Variants in NIN observed in about 807,000 individuals in gnomAD.
NIN encodes the protein ninein.
Under a neutral mutation model 257.6 loss-of-function variants are expected in NIN, and 137 were observed. The ratio of observed to expected loss-of-function variants is 0.53; its 90% CI spans 0.46 to 0.61. The LOEUF is 0.61. Ranked by LOEUF, NIN falls within the 20% of genes least tolerant of loss-of-function variation. NIN has a pLI of 0.00. For synonymous variants in NIN, 918 were observed against 919.8 expected (o/e 1.00, Z 0.04); for missense variants, 2,439 against 2,501.2 (o/e 0.98, Z 0.53).
intron 4 of NIN, among the ~76,000 whole-genome samples, chr14:50,796,773 T>C (rs1315539718): frequency 6.6e-6 from 1 of 152,160 alleles, no homozygotes; most frequent in African/African-American, 2.4e-5. Context: ...AGCAGCAGTG[T>C]GGAGGGGAGA....
intron 30 of NIN, among the ~76,000 whole-genome samples, chr14:50,724,802 C>G (rs2040350268): frequency 6.6e-6 from 1 of 152,162 alleles, no homozygotes; most frequent in South Asian, 2.1e-4. Context: ...ACTTTCTTAA[C>G]TAGTTGAAAT....
At position 50,814,623 on chromosome 14, in the gene NIN, G is replaced by A. The variant is rs2044794414; in HGVS notation, c.183+7251C>T. On this transcript the variant is annotated intron_variant, in intron 3 of 30. Transcript: ENST00000530997. The stretch of plus-strand genomic sequence containing the variant: ...AAAAGAACAAACCTGAAGGCATCAC[G>A]CTACCCACTTCAAACTGTACTACAA... 3.9e-5 allele frequency among the ~76,000 whole-genome samples: 6 copies of A among 152,244 alleles called. No individual in the cohort carries two copies. In the South Asian group the frequency reaches 1.0e-3, roughly 26 times the overall value.
intron 5 of NIN, among the ~76,000 whole-genome samples, chr14:50,791,138 AAGT>A (rs2142010625): frequency 6.6e-6 from 1 of 152,300 alleles, no homozygotes; most frequent in South Asian, 2.1e-4. Context: ...TTTCATAAAG[AAGT>A]ACATTCCACA....
intron 2 of NIN, chr14:50,823,143 A>G (rs199789928): frequency 2.0e-4 from 107 of 534,218 alleles, no homozygotes; most frequent in Non-Finnish European, 3.3e-4. Flanking sequence ...GTATTTTACT[A>G]ATGAAATCTG....
chr14:50,806,571 C>A (rs1397326992), intron 4 of NIN, 166 bp downstream of exon 4: 4 of 508,456 alleles, frequency 7.9e-6, no homozygotes, highest in Non-Finnish European at 1.4e-5. Context: ...TGTTCAACAG[C>A]TGCAAAGCTT....
In NIN at chr14:50,744,314, G is replaced by C; in HGVS notation, c.5116C>G (p.Leu1706Val). 1.2e-6 allele frequency: 2 copies of C among 1,614,044 alleles called. No homozygotes were observed. Among genetic ancestry groups the C allele is most frequent in the Middle Eastern group, 1.6e-4 (1 of 6,062 alleles). Residue 1706 changes from leucine to valine, a missense_variant, in exon 23 of 31, where the codon CTA becomes GTA. Physicochemically the swap from Leu to Val is conservative, Grantham distance 32. Transcript: ENST00000530997. ...TTCAGCAGTTTTTCGTTGTAGCTTA[G>C]AACACTAGAGATTTTTTGCTGGAAG... ...SDFQQKISSV[L>V]SYNEKLLKEK...
At chr14:50,730,288 G>C (rs2040626420) in intron 28 of NIN, among the ~76,000 whole-genome samples, 2 of 152,086 alleles carry the variant, frequency 1.3e-5, no homozygotes, top group South Asian at 4.1e-4. Context: ...GGGGCATAAA[G>C]CAATAATATC....
chr14:50,758,115 A>G lies in NIN; in HGVS notation c.2915T>C (p.Leu972Pro). ...CCTTTCCTGGTCATGTTCCATTTCT[A>G]GTCTTTCCAGCCGCTGGCTGGCCAG... ...EQLASQRLER[L>P]EMEHDQERQE... The change falls in exon 18 of 31, where the codon CTA becomes CCA. Residue 972 changes from leucine (L) to proline (P), a missense_variant. By Grantham distance (98) the Leu-to-Pro change is moderately conservative. Transcript: ENST00000530997. 2.5e-6 allele frequency: 4 copies of G among 1,614,058 alleles called. No individual in the cohort carries two copies. Among genetic ancestry groups the G allele is most frequent in the Non-Finnish European group, 2.5e-6 (3 of 1,180,020 alleles).
chr14:50,830,674 C>G (rs1160599075), intron 1 of NIN, 157 bp from the exon 2 acceptor site: 1 of 165,522 alleles, frequency 6.0e-6, no homozygotes, highest in Admixed American at 6.6e-5. Flanking sequence ...CTTACAAAAG[C>G]GCGGCTCTCG....
intron 5 of NIN, among the ~76,000 whole-genome samples, chr14:50,781,444 A>C (rs779085294): frequency 8.5e-5 from 13 of 152,264 alleles, no homozygotes; most frequent in Non-Finnish European, 1.8e-4. Flanking sequence ...TCATTTGAAA[A>C]TAGTGAGCAC....
At chr14:50,763,510 C>T (rs1390847820) in intron 15 of NIN, among the ~76,000 whole-genome samples, 1 of 152,160 alleles carries the variant, frequency 6.6e-6, no homozygotes, top group Non-Finnish European at 1.5e-5. Flanking sequence ...TGAATTCTAA[C>T]ACTCCCAAGG....
rs913499448 is a variant in NIN, at chr14:50,767,704, C to G, written c.1435-814G>C. ...TGGTGGCGGGCGCCTGTAGTCCCAG[C>G]TACTTGGGAGGCTGAGGCGGGAGAA... On this transcript the variant is annotated intron_variant, in intron 12 of 30. Coordinates refer to ENST00000530997, the MANE Select transcript of NIN (RefSeq NM_020921.4). Among the ~76,000 whole-genome samples, 6 of 151,790 alleles carry G rather than the reference C, an allele frequency of 4.0e-5. 1 individual carries two copies. Among genetic ancestry groups the G allele is most frequent in the African/African-American group, 1.5e-4 (6 of 41,376 alleles).
At chr14:50,813,238 A>T (rs2044721524) in intron 3 of NIN, among the ~76,000 whole-genome samples, 1 of 152,234 alleles carries the variant, frequency 6.6e-6, no homozygotes, top group Non-Finnish European at 1.5e-5. Flanking sequence ...TTTGTTAAAA[A>T]GTAGAAATCT....
At chr14:50,774,962 A>G (rs776892139) in intron 7 of NIN, among the ~76,000 whole-genome samples, 6 of 152,226 alleles carry the variant, frequency 3.9e-5, no homozygotes, top group Non-Finnish European at 8.8e-5. Flanking sequence ...TCTTACATGG[A>G]CCAGGTCTTT....
intron 4 of NIN, among the ~76,000 whole-genome samples, chr14:50,797,758 C>G (rs1402947151): frequency 1.3e-5 from 2 of 151,696 alleles, no homozygotes; most frequent in Admixed American, 1.3e-4. Context: ...GAAACTGACA[C>G]AGAGAGACAG....
intron 23 of NIN, 75 bp downstream of exon 23, chr14:50,744,168 C>A (rs1156569875): frequency 1.3e-6 from 2 of 1,501,120 alleles, no homozygotes; most frequent in Non-Finnish European, 1.8e-6. Flanking sequence ...GGCCCCTGTG[C>A]CACTGTCCAC....
At chr14:50,763,772 G>A (rs1476446928) in intron 15 of NIN, 54 bp downstream of exon 15, 19 of 1,493,324 alleles carry the variant, frequency 1.3e-5, no homozygotes, top group East Asian at 6.9e-5. Flanking sequence ...ATTGAACCAC[G>A]TTTCTAAAAA....
At chr14:50,779,161 A>G (rs1407154245) in intron 5 of NIN, among the ~76,000 whole-genome samples, 1 of 152,242 alleles carries the variant, frequency 6.6e-6, no homozygotes, top group East Asian at 1.9e-4. Context: ...TTATGAATTT[A>G]TTCTTCAATA....
intron 24 of NIN, 44 bp downstream of exon 24, chr14:50,743,372 G>A: frequency 5.0e-6 from 6 of 1,209,338 alleles, no homozygotes; most frequent in Non-Finnish European, 7.4e-6. Flanking sequence ...GGAAGATCTA[G>A]GAGAATACTA....
Sources: gnomAD v4.1 joint callset for allele counts (sites outside exome capture counted in the v4.1 genomes callset) on GRCh38, gnomAD v4.1.1 for gene constraint, MANE v1.5 for transcripts, NCBI Gene and HGNC (gene_info 2026-07-23, HGNC 2026-07-21) for gene names.